TRIOBP: variants seen among roughly 807,000 people sequenced by gnomAD.
TRIOBP encodes TRIO and F-actin binding protein, also known as TRIO and F-actin-binding protein.
A neutral mutation model predicts 238.8 loss-of-function variants in TRIOBP; 169 were observed. The ratio of observed to expected loss-of-function variants is 0.71; its 90% CI spans 0.62 to 0.80. The LOEUF (loss-of-function observed/expected upper bound fraction) is 0.80. Ranked by LOEUF, TRIOBP falls within the 30% of genes least tolerant of loss-of-function variation. The pLI is 0.00. For synonymous variants in TRIOBP, 1,150 were observed against 1,274.4 expected, an observed-to-expected ratio of 0.90 and a Z score of 2.08; for missense variants, 2,838 against 3,122.6, an observed-to-expected ratio of 0.91 and a Z score of 2.17.
Position 37,757,624 on chromosome 22 carries a change from C to G in TRIOBP, c.5699C>G (p.Ser1900Cys). 1 of 1,586,262 alleles carries G rather than the reference C, an allele frequency of 6.3e-7. No homozygotes were observed. The highest frequency in any genetic ancestry group is 8.6e-7 in the Non-Finnish European group (1 of 1,168,800). Residue 1900 changes from serine (S) to cysteine (C), a missense_variant, in exon 16 of 24, where the codon TCT becomes TGT. Coordinates refer to ENST00000644935, the MANE Select transcript of TRIOBP (RefSeq NM_001039141.3). The stretch of plus-strand genomic sequence containing the variant: ...TGCTGGTGCCCTAGGCTCTCGGACT[C>G]TAACAAGGAGAACGCGCTGCACAGC... ...SAPDVTKLSD[S>C]NKENALHSYS... is the part of the protein sequence containing the mutation.
At chr22:37,756,305 T>G (rs773700370) in intron 15 of TRIOBP, among the ~76,000 whole-genome samples, 3 of 151,878 alleles carry the variant, frequency 2.0e-5, no homozygotes, top group Admixed American at 6.6e-5. Flanking sequence ...TACAAAAAAT[T>G]TAAAAATCAG....
chr22:37,771,830 C>T (rs1256676819), intron 22 of TRIOBP, 94 bp downstream of exon 22: 7 of 1,101,506 alleles, frequency 6.4e-6, no homozygotes, highest in East Asian at 5.0e-5. Flanking sequence ...GCCCTCCACT[C>T]GCTTCATCCT....
intron 9 of TRIOBP, 79 bp downstream of exon 9, chr22:37,735,521 T>G: frequency 1.3e-6 from 2 of 1,494,642 alleles, no homozygotes; most frequent in Non-Finnish European, 1.8e-6. Flanking sequence ...AAGCCTCCCC[T>G]TGGAGTAGCC....
chr22:37,762,734 A>G (rs3788530), intron 17 of TRIOBP, among the ~76,000 whole-genome samples: 69,546 of 151,968 alleles, frequency 0.46, 16,454 homozygotes, highest in Admixed American at 0.56. Context: ...AGTCATCTGT[A>G]TCGCCCTCAG....
At chr22:37,701,709 A>G (rs1382815043) in intron 3 of TRIOBP, among the ~76,000 whole-genome samples, 1 of 152,244 alleles carries the variant, frequency 6.6e-6, no homozygotes, top group Non-Finnish European at 1.5e-5. Flanking sequence ...AGCCTTATCT[A>G]ATCTGTTACT....
chr22:37,725,205 C>G lies in TRIOBP; in HGVS notation c.2649C>G (p.Pro883=), dbSNP rs374255684. The part of the protein sequence containing the change: ...TQKENLRPSS[P]HRSTQWNNPR... Reference sequence around the variant, plus strand: ...AGGAGAATCTGAGACCATCATCTCCCCACCGCTCCACTCAATGGAACAATC... The same window carrying G: ...AGGAGAATCTGAGACCATCATCTCCGCACCGCTCCACTCAATGGAACAATC... The change falls in exon 7 of 24, where the codon CCC becomes CCG. Residue 883 remains proline (P), a synonymous_variant. Transcript: ENST00000644935. The G allele has an allele frequency of 2.5e-5, 41 of 1,613,920 alleles. No individual in the cohort carries two copies. The highest frequency in any genetic ancestry group is 3.3e-5 in the Non-Finnish European group (39 of 1,179,980).
chr22:37,770,218 C>A (rs983273205), intron 21 of TRIOBP, among the ~76,000 whole-genome samples: 2 of 146,812 alleles, frequency 1.4e-5, no homozygotes, highest in African/African-American at 5.0e-5. Context: ...GCGGGCAGAT[C>A]ACGAGGTAGG....
Position 37,713,064 on chromosome 22 carries a change from A to T in TRIOBP, c.255-146A>T, listed in dbSNP as rs1448474763. ...TGAGGCAATCCATATAAAAAGTCTGACACAGAGGCAGCTCTCACCATTGGC... is the reference window on the plus strand; with the variant it reads ...TGAGGCAATCCATATAAAAAGTCTGTCACAGAGGCAGCTCTCACCATTGGC... On this transcript the variant is annotated intron_variant, in intron 4 of 23. Coordinates refer to ENST00000644935, the MANE Select transcript of TRIOBP (RefSeq NM_001039141.3). 1.7e-5 allele frequency: 11 copies of T among 643,200 alleles called. No homozygotes were observed. In the East Asian group the frequency reaches 3.0e-4, roughly 18 times the overall value. 39.8% of individuals were successfully genotyped at this position (643,200 alleles called of 1,614,324 possible). A position where few individuals can be genotyped will look rare whatever the true frequency, so the allele number is the denominator to read the frequency against.
rs967320011 is a variant in TRIOBP, at chr22:37,713,399, C to T, written c.444C>T (p.Asn148=). The part of the protein sequence containing the change: ...PDSATPDDTS[N]SSSVDWDTVE... ...CCGCCACCCCTGATGATACCAGCAA[C>T]TCGTCCTCTGTGGTGAGCCAGGAGT... The change falls in exon 5 of 24, where the codon AAC becomes AAT. Residue 148 remains asparagine (N), a synonymous_variant. Coordinates refer to ENST00000644935, the MANE Select transcript of TRIOBP (RefSeq NM_001039141.3). 15 of 1,613,190 alleles carry T rather than the reference C, an allele frequency of 9.3e-6. No individual in the cohort carries two copies. In the African/African-American group the frequency reaches 1.7e-4, roughly 19 times the overall value.
chr22:37,700,164 A>G (rs1184957292), intron 2 of TRIOBP, among the ~76,000 whole-genome samples: 2 of 151,934 alleles, frequency 1.3e-5, no homozygotes, highest in Non-Finnish European at 2.9e-5. Context: ...GGCGTGAGCC[A>G]CCGCCCTCGG....
intron 3 of TRIOBP, among the ~76,000 whole-genome samples, chr22:37,710,195 C>T (rs931282611): frequency 3.3e-5 from 5 of 152,266 alleles, no homozygotes; most frequent in African/African-American, 4.8e-5. Flanking sequence ...CACATACCTG[C>T]TCCAAGGCCC....
intron 11 of TRIOBP, among the ~76,000 whole-genome samples, chr22:37,743,256 A>G (rs1456032102): frequency 1.3e-5 from 2 of 152,236 alleles, no homozygotes; most frequent in Non-Finnish European, 2.9e-5. Flanking sequence ...AAGCAGTGAA[A>G]TTAGCCCAAG....
intron 4 of TRIOBP, 39 bp from the exon 5 acceptor site, chr22:37,713,171 T>G (rs1361674470): frequency 6.4e-7 from 1 of 1,567,844 alleles, no homozygotes; most frequent in Non-Finnish European, 8.7e-7. Flanking sequence ...GGGATGCTCC[T>G]AACTCCCCAT....
intron 5 of TRIOBP, among the ~76,000 whole-genome samples, chr22:37,714,378 T>C (rs1351573397): frequency 6.6e-6 from 1 of 152,146 alleles, no homozygotes; most frequent in African/African-American, 2.4e-5. Flanking sequence ...ATTTAATTGA[T>C]TGATTGAAGA....
chr22:37,756,334 G>A (rs1227932894), intron 15 of TRIOBP, among the ~76,000 whole-genome samples: 1 of 152,108 alleles, frequency 6.6e-6, no homozygotes, highest in Non-Finnish European at 1.5e-5. Flanking sequence ...GGTAGGGTGC[G>A]CCTGTCAGCT....
At position 37,757,719 on chromosome 22, in the gene TRIOBP, G is replaced by T; in HGVS notation, c.5794G>T (p.Gly1932Cys). The T allele has an allele frequency of 6.3e-7, 1 of 1,578,294 alleles. No individual in the cohort carries two copies. The highest frequency in any genetic ancestry group is 8.6e-7 in the Non-Finnish European group (1 of 1,163,150). The change falls in exon 16 of 24, where the codon GGC becomes TGC. Residue 1932 changes from glycine (G) to cysteine (C), a missense_variant. Coordinates refer to ENST00000644935, the MANE Select transcript of TRIOBP (RefSeq NM_001039141.3). ...RAGSEVISRG[G>C]PRKADGQRQA... ...GGGCTCTGAGGTCATCAGCCGGGGT[G>T]GCCCTCGGAAGGCGGACGGGCAGCG...
At chr22:37,765,541 A>C in intron 17 of TRIOBP, 129 bp from the exon 18 acceptor site, 1 of 1,242,726 alleles carries the variant, frequency 8.0e-7, no homozygotes, top group Non-Finnish European at 1.1e-6. Flanking sequence ...GAGCAGGTGC[A>C]GACTGGAGGT....
intron 7 of TRIOBP, among the ~76,000 whole-genome samples, chr22:37,729,997 ATTT>A (rs1043519351): frequency 3.3e-5 from 5 of 151,950 alleles, no homozygotes; most frequent in African/African-American, 1.2e-4. Flanking sequence ...AGTCTGGAAA[ATTT>A]TTCTTAAAGG....
chr22:37,751,049 C>G (rs1925567525), intron 11 of TRIOBP: 2 of 397,958 alleles, frequency 5.0e-6, no homozygotes, highest in Admixed American at 6.5e-5. Flanking sequence ...TGGTTGGCAC[C>G]CACTAGATGA....
Sources: allele counts gnomAD v4.1 joint callset (sites outside exome capture counted in the v4.1 genomes callset), GRCh38; gene constraint gnomAD v4.1.1; transcripts MANE v1.5; gene names NCBI Gene and HGNC (gene_info 2026-07-23, HGNC 2026-07-21).